The following MCC variants were observed in gnomAD, a reference collection of about 807,000 sequenced individuals.
The protein encoded by MCC is colorectal mutant cancer protein.
In MCC, 90 loss-of-function variants were observed where a neutral mutation model predicts 116.2. The ratio of observed to expected loss-of-function variants is 0.77; its 90% CI spans 0.65 to 0.92. The LOEUF is 0.92. Ranked by LOEUF, MCC falls within the 40% of genes least tolerant of loss-of-function variation. The probability of loss-of-function intolerance (pLI) is 0.00; values close to 1 mark genes in which losing one functional copy is unlikely to be tolerated. For missense variants in MCC, 1,516 were observed against 1,312.2 expected (o/e 1.16, Z -2.40); for synonymous variants, 578 against 510.5 (o/e 1.13, Z -1.78).
chr5:113,432,594 A>G (rs1770692917), intron 1 of MCC: 1 of 152,206 alleles, frequency 6.6e-6, no homozygotes, highest in Non-Finnish European at 1.5e-5. Flanking sequence ...AGAAACTGAG[A>G]CATATAGATT....
At chr5:113,465,801 T>G (rs144826396) in intron 1 of MCC, among the ~76,000 whole-genome samples, 1,531 of 152,310 alleles carry the variant, frequency 0.01, 15 homozygotes, top group South Asian at 0.023. Flanking sequence ...TTAAATAATG[T>G]TATACCATAT....
Position 113,027,335 on chromosome 5 carries a change from G to C in MCC, c.3027C>G (p.Asn1009Lys), listed in dbSNP as rs1379729848. 6.2e-7 allele frequency: 1 copy of C among 1,614,208 alleles called. No individual in the cohort carries two copies. Among genetic ancestry groups the C allele is most frequent in the Admixed American group, 1.7e-5 (1 of 60,030 alleles). ...AAGTTTCATTGGTGTGTGGCCTGGA[G>C]TTCTCCTCCTCTAGCAGAGCTATTC... Reference protein sequence around the residue: ...KQRIALLEEENSRPHTNETSL With the variant: ...KQRIALLEEEKSRPHTNETSL Residue 1009 changes from asparagine (N) to lysine (K), a missense_variant, in exon 19 of 19, where the codon AAC (asparagine) becomes AAG (lysine). Transcript: ENST00000408903.
intron 6 of MCC, among the ~76,000 whole-genome samples, chr5:113,117,066 C>T (rs1337539629): frequency 6.6e-6 from 1 of 152,228 alleles, no homozygotes; most frequent in African/African-American, 2.4e-5. Context: ...ATCTAGCCAC[C>T]TCATTCCTAG....
intron 3 of MCC, among the ~76,000 whole-genome samples, chr5:113,269,884 ACT>A (rs1020921214): frequency 1.3e-5 from 2 of 152,226 alleles, no homozygotes; most frequent in African/African-American, 4.8e-5. Context: ...AACAGAGTAC[ACT>A]GAGTTCAGCA....
intron 1 of MCC, among the ~76,000 whole-genome samples, chr5:113,405,657 A>C (rs1326751797): frequency 6.6e-6 from 1 of 151,894 alleles, no homozygotes; most frequent in African/African-American, 2.4e-5. Flanking sequence ...CTTTTTAAAA[A>C]TTAGCCAGGC....
rs1158653228 is a variant in MCC at position 113,310,672 on chromosome 5, TAGAG to T, written c.627+29843_627+29846del. Among the ~76,000 whole-genome samples the T allele has an allele frequency of 2.0e-5, 3 of 152,314 alleles. No individual in the cohort carries two copies. In the East Asian group the frequency reaches 5.8e-4, roughly 29 times the overall value. ...CACCTTCCACTACTGTCACTAGTGA[TAGAG>T]AGGGAAATGTGTCACATGGGAAATA... On this transcript the variant is annotated intron_variant, in intron 3 of 18. Coordinates refer to ENST00000408903, the MANE Select transcript of MCC (RefSeq NM_001085377.2).
chr5:113,354,590 A>G (rs1768363882), intron 2 of MCC, among the ~76,000 whole-genome samples: 1 of 151,614 alleles, frequency 6.6e-6, no homozygotes, highest in Non-Finnish European at 1.5e-5. Flanking sequence ...ATGCACCACC[A>G]CACCCAGCTA....
chr5:113,309,244 G>A (rs1371149370), intron 3 of MCC, among the ~76,000 whole-genome samples: 1 of 152,062 alleles, frequency 6.6e-6, no homozygotes, highest in Non-Finnish European at 1.5e-5. Context: ...TGGTTACATC[G>A]ATAAACTGTA....
intron 2 of MCC, among the ~76,000 whole-genome samples, chr5:113,383,444 A>C (rs1581442334): frequency 6.6e-6 from 1 of 152,354 alleles, no homozygotes; most frequent in South Asian, 2.1e-4. Context: ...AGCATGAAGA[A>C]AATGCAAAAG....
intron 4 of MCC, among the ~76,000 whole-genome samples, chr5:113,149,193 C>T (rs1169141370): frequency 6.6e-6 from 1 of 151,364 alleles, no homozygotes; most frequent in African/African-American, 2.4e-5. Context: ...ACATAGTCAC[C>T]ACCATTTTGT....
At chr5:113,193,755 T>A (rs1338399281) in intron 3 of MCC, among the ~76,000 whole-genome samples, 6 of 152,234 alleles carry the variant, frequency 3.9e-5, no homozygotes, top group Non-Finnish European at 8.8e-5. Flanking sequence ...ATTCACACAC[T>A]GCACTTCCAT....
intron 3 of MCC, among the ~76,000 whole-genome samples, chr5:113,211,811 C>G (rs1357994495): frequency 6.6e-6 from 1 of 152,142 alleles, no homozygotes; most frequent in Non-Finnish European, 1.5e-5. Context: ...TTTTAGCACA[C>G]TTGAATGAAG....
intron 3 of MCC, among the ~76,000 whole-genome samples, chr5:113,233,420 T>C (rs903338141): frequency 2.6e-5 from 4 of 152,192 alleles, no homozygotes; most frequent in Non-Finnish European, 5.9e-5. Context: ...TAAGAAAAGG[T>C]GACCAAGGTA....
chr5:113,049,047 GGCAGTCACTGA>G (rs1561752752), intron 16 of MCC, 35 bp downstream of exon 16: 3 of 1,546,310 alleles, frequency 1.9e-6, no homozygotes, highest in Admixed American at 1.7e-5. Flanking sequence ...GCAGTCACTG[GGCAGTCACTGA>G]GCCTAAGGGT....
chr5:113,218,830 A>G (rs1763428885), intron 3 of MCC, among the ~76,000 whole-genome samples: 1 of 151,510 alleles, frequency 6.6e-6, no homozygotes, highest in South Asian at 2.1e-4. Flanking sequence ...AGTTACTTTC[A>G]AAATAAAAGA....
chr5:113,387,093 G>C (rs1455231075), intron 1 of MCC, among the ~76,000 whole-genome samples: 1 of 151,968 alleles, frequency 6.6e-6, no homozygotes, highest in Non-Finnish European at 1.5e-5. Flanking sequence ...TTTTGCTTCA[G>C]TCATCATTAG....
chr5:113,108,332 A>T (rs10075781), intron 6 of MCC, among the ~76,000 whole-genome samples: 677 of 1,624 alleles, frequency 0.42, 26 homozygotes, highest in African/African-American at 0.44. Flanking sequence ...ACTCTATCTT[A>T]AAAAAAAAAA....
chr5:113,295,017 GGGTGGGGGCGAGTA>G (rs1294752273), intron 3 of MCC: 1 of 947,238 alleles, frequency 1.1e-6, no homozygotes, highest in African/African-American at 1.8e-5. Flanking sequence ...AGGGAGAAAA[GGGTGGGGGCGAGTA>G]GCCTGGAGGC....
chr5:113,319,719 G>A (rs1767370550), intron 3 of MCC, among the ~76,000 whole-genome samples: 1 of 152,192 alleles, frequency 6.6e-6, no homozygotes, highest in African/African-American at 2.4e-5. Flanking sequence ...CTTACACAAT[G>A]TTGATGTCTA....
Sources: gnomAD v4.1 joint callset for allele counts (sites outside exome capture counted in the v4.1 genomes callset) on GRCh38, gnomAD v4.1.1 for gene constraint, MANE v1.5 for transcripts, NCBI Gene and HGNC (gene_info 2026-07-23, HGNC 2026-07-21) for gene names.